PTPRG: variants seen among roughly 807,000 people sequenced by gnomAD.
PTPRG encodes protein tyrosine phosphatase receptor type G.
PTPRG carries 102 observed loss-of-function variants against 165.3 expected under a neutral mutation model. The observed-to-expected ratio is 0.62, with a 90% CI of 0.53 to 0.73. The LOEUF is 0.73. PTPRG is among the 30% of genes least tolerant of loss of function. The pLI is 0.00. For synonymous variants in PTPRG, 675 were observed against 669.5 expected (o/e 1.01, Z -0.13); for missense variants, 1,866 against 1,861.4 (o/e 1.00, Z -0.05).
chr3:62,063,620 A>G (rs2106699002), intron 4 of PTPRG, among the ~76,000 whole-genome samples: 1 of 152,298 alleles, frequency 6.6e-6, no homozygotes, highest in South Asian at 2.1e-4. Flanking sequence ...GTGTTAAGTA[A>G]ATTAAATTCT....
rs141139296 is a variant in PTPRG at position 61,797,366 on chromosome 3, T to C, written c.190+48384T>C. On this transcript the variant is annotated intron_variant, in intron 2 of 29. Transcript: ENST00000474889. ...GAGATTGGGCTGAGTCTTAAAATCA[T>C]TGGTGTCTGACTTCATGAAATAAGG... 4.1e-3 allele frequency among the ~76,000 whole-genome samples: 622 copies of C among 152,324 alleles called. 5 individuals carry two copies. Among genetic ancestry groups the C allele is most frequent in the African/African-American group, 0.013 (549 of 41,576 alleles).
chr3:61,568,485 T>C (rs947843081), intron 1 of PTPRG, among the ~76,000 whole-genome samples: 3 of 152,224 alleles, frequency 2.0e-5, no homozygotes, highest in African/African-American at 7.2e-5. Context: ...GAGGGACCAT[T>C]TCACCTGGTA....
At chr3:61,813,914 T>A (rs1229478813) in intron 2 of PTPRG, among the ~76,000 whole-genome samples, 4 of 120,758 alleles carry the variant, frequency 3.3e-5, no homozygotes, top group Admixed American at 2.6e-4. Context: ...TTGGGGGGGG[T>A]TGGAGTCTCG....
chr3:61,665,721 A>G (rs9854685), intron 1 of PTPRG, among the ~76,000 whole-genome samples: 148,781 of 152,224 alleles, frequency 0.98, 72,778 homozygotes, highest in Non-Finnish European at 1. Context: ...CCAACTACAG[A>G]GGATGCTGAG....
chr3:61,823,380 G>A lies in PTPRG; in HGVS notation c.190+74398G>A, dbSNP rs558055898. ...TAATTTTTGTATTTTTAGTAGAGACGGGTTTCACCATGTTGAGCAGGATGG... is the reference window on the plus strand; with the variant it reads ...TAATTTTTGTATTTTTAGTAGAGACAGGTTTCACCATGTTGAGCAGGATGG... On this transcript the variant is annotated intron_variant, in intron 2 of 29. Coordinates refer to ENST00000474889, the MANE Select transcript of PTPRG (RefSeq NM_002841.4). Among the ~76,000 whole-genome samples, 5 of 152,162 alleles carry A rather than the reference G, an allele frequency of 3.3e-5. No homozygotes were observed. In the East Asian group the frequency reaches 5.8e-4, roughly 18 times the overall value.
chr3:61,567,665 C>A (rs372173205), intron 1 of PTPRG, among the ~76,000 whole-genome samples: 238 of 111,412 alleles, frequency 2.1e-3, no homozygotes, highest in Admixed American at 2.4e-3. Context: ...GACCCTGTCT[C>A]AAAAAAAAAA....
chr3:62,185,197 A>G (rs1020166334), intron 8 of PTPRG, among the ~76,000 whole-genome samples: 26 of 152,260 alleles, frequency 1.7e-4, no homozygotes, highest in African/African-American at 5.8e-4. Context: ...AGAGCTGGTG[A>G]GGAGCAGTAC....
chr3:61,786,514 C>A (rs960266526), intron 2 of PTPRG, among the ~76,000 whole-genome samples: 1 of 152,018 alleles, frequency 6.6e-6, no homozygotes, highest in Non-Finnish European at 1.5e-5. Flanking sequence ...GGCTGGTTAT[C>A]GTAACTATTA....
intron 1 of PTPRG, among the ~76,000 whole-genome samples, chr3:61,695,664 GA>G (rs1409097918): frequency 6.6e-6 from 1 of 152,164 alleles, no homozygotes; most frequent in African/African-American, 2.4e-5. Context: ...CTATTCACAA[GA>G]TTTTTAAAAA....
At chr3:61,946,381 G>T (rs1413570455) in intron 2 of PTPRG, among the ~76,000 whole-genome samples, 1 of 152,158 alleles carries the variant, frequency 6.6e-6, no homozygotes, top group Non-Finnish European at 1.5e-5. Flanking sequence ...GAACAGAGAA[G>T]GATTTAATTT....
intron 5 of PTPRG, among the ~76,000 whole-genome samples, chr3:62,114,821 TG>T (rs200326510): frequency 0.011 from 1,726 of 152,206 alleles, 16 homozygotes; most frequent in Non-Finnish European, 0.015. Context: ...TTTAGTTTTT[TG>T]TAGAGACAGG....
chr3:61,992,306 T>A (rs953173341), intron 3 of PTPRG, among the ~76,000 whole-genome samples: 1 of 152,114 alleles, frequency 6.6e-6, no homozygotes, highest in Non-Finnish European at 1.5e-5. Context: ...GAAACTTGGG[T>A]GCAGAAATCA....
chr3:62,157,682 A>C (rs1704591638), intron 7 of PTPRG, among the ~76,000 whole-genome samples: 1 of 152,220 alleles, frequency 6.6e-6, no homozygotes. Context: ...ATCAAGCCAC[A>C]CAGAAGGTTA....
intron 1 of PTPRG, among the ~76,000 whole-genome samples, chr3:61,732,944 T>A (rs1415295711): frequency 6.6e-6 from 1 of 152,156 alleles, no homozygotes; most frequent in Non-Finnish European, 1.5e-5. Flanking sequence ...CTGTGTAGGC[T>A]GTAGTGTTAG....
chr3:61,826,259 C>T (rs954376231), intron 2 of PTPRG, among the ~76,000 whole-genome samples: 2 of 152,190 alleles, frequency 1.3e-5, no homozygotes, highest in Non-Finnish European at 2.9e-5. Context: ...GTAAAAGGGA[C>T]TCTTTCCCCT....
In PTPRG at chr3:62,115,853, C is replaced by T. The variant is rs77903666; in HGVS notation, c.616-16749C>T. ...CTCCTGACCCCAAGGCACATTCTTA[C>T]AGTGGGAAAGAATATCATTACAAGG... On this transcript the variant is annotated intron_variant, in intron 5 of 29. Coordinates refer to ENST00000474889, the MANE Select transcript of PTPRG (RefSeq NM_002841.4). 1.5e-3 allele frequency among the ~76,000 whole-genome samples: 227 copies of T among 152,184 alleles called. 3 individuals carry two copies. Among genetic ancestry groups the T allele is most frequent in the South Asian group, 0.011 (55 of 4,820 alleles).
chr3:61,989,907 T>G, intron 3 of PTPRG, 103 bp downstream of exon 3: 1 of 1,274,674 alleles, frequency 7.8e-7, no homozygotes, highest in Non-Finnish European at 1.1e-6. Flanking sequence ...TAGTGCACAT[T>G]GCTGTGGGGA....
chr3:61,985,539 G>C (rs887348340), intron 2 of PTPRG, among the ~76,000 whole-genome samples: 1 of 152,098 alleles, frequency 6.6e-6, no homozygotes, highest in Non-Finnish European at 1.5e-5. Context: ...TTGGTATCTG[G>C]GTACCTCATT....
intron 2 of PTPRG, among the ~76,000 whole-genome samples, chr3:61,980,347 T>A (rs1408881083): frequency 6.6e-6 from 1 of 152,198 alleles, no homozygotes. Flanking sequence ...CTTCATGGAT[T>A]TTTATCCCAT....
Sources: allele counts gnomAD v4.1 joint callset (sites outside exome capture counted in the v4.1 genomes callset), GRCh38; gene constraint gnomAD v4.1.1; transcripts MANE v1.5; gene names NCBI Gene and HGNC (gene_info 2026-07-23, HGNC 2026-07-21).